The following UGT1A10 variants were observed in gnomAD, a reference collection of about 807,000 sequenced individuals.
UGT1A10 encodes the protein UDP glucuronosyltransferase family 1 member A10.
UGT1A10 carries 49 observed loss-of-function variants against 45.8 expected under a neutral mutation model. That is an observed-to-expected ratio of 1.07 (90% CI 0.85 to 1.36). The LOEUF (loss-of-function observed/expected upper bound fraction) is 1.36. Ranked by LOEUF, UGT1A10 falls within the 40% of genes most tolerant of loss-of-function variation. UGT1A10 has a pLI of 0.00. For synonymous variants in UGT1A10, 284 were observed against 249.7 expected (o/e 1.14, Z -1.29); for missense variants, 745 against 668.6 (o/e 1.11, Z -1.26).
At chr2:233,715,989 A>G (rs1242596937) in intron 1 of UGT1A10, among the ~76,000 whole-genome samples, 1 of 152,116 alleles carries the variant, frequency 6.6e-6, no homozygotes, top group East Asian at 1.9e-4. Flanking sequence ...TTAAAACACA[A>G]CAAAACCCAA....
intron 1 of UGT1A10, among the ~76,000 whole-genome samples, chr2:233,688,830 A>G (rs2074915301): frequency 6.6e-6 from 1 of 152,166 alleles, no homozygotes; most frequent in African/African-American, 2.4e-5. Flanking sequence ...ACTTTGAAAG[A>G]AAAGGATGTA....
At chr2:233,757,535 A>AATAAATATACATATAC (rs1553619837) in intron 1 of UGT1A10, among the ~76,000 whole-genome samples, 3 of 88,310 alleles carry the variant, frequency 3.4e-5, no homozygotes, top group African/African-American at 1.5e-4. Context: ...GCCTGTAAGG[A>AATAAATATACATATAC]ATATATATAT....
intron 1 of UGT1A10, among the ~76,000 whole-genome samples, chr2:233,716,957 A>G (rs2076536367): frequency 6.6e-6 from 1 of 152,152 alleles, no homozygotes; most frequent in Non-Finnish European, 1.5e-5. Context: ...GGCACCAGGA[A>G]TGTGAGCTTC....
At chr2:233,681,884 C>T in intron 1 of UGT1A10, 1 of 1,560,846 alleles carries the variant, frequency 6.4e-7, no homozygotes, top group Non-Finnish European at 8.7e-7. Flanking sequence ...CTTCCACTTA[C>T]TATATTATAG....
chr2:233,729,971 C>T (rs1206556766), intron 1 of UGT1A10: 1 of 1,613,904 alleles, frequency 6.2e-7, no homozygotes, highest in Non-Finnish European at 8.5e-7. Context: ...ATCAACTGTG[C>T]CAACAGGAAG....
chr2:233,716,275 C>T (rs1026616764), intron 1 of UGT1A10, among the ~76,000 whole-genome samples: 2 of 152,138 alleles, frequency 1.3e-5, no homozygotes, highest in African/African-American at 2.4e-5. Flanking sequence ...ATGTCAAAAC[C>T]CTTAATATAA....
chr2:233,650,342 T>C (rs561368892), intron 1 of UGT1A10, among the ~76,000 whole-genome samples: 1 of 152,350 alleles, frequency 6.6e-6, no homozygotes, highest in South Asian at 2.1e-4. Context: ...CTGGCTGCAA[T>C]GATTTTGGCA....
intron 1 of UGT1A10, chr2:233,682,185 T>C: frequency 1.2e-6 from 2 of 1,614,208 alleles, no homozygotes; most frequent in Non-Finnish European, 1.7e-6. Flanking sequence ...TCATACACTC[T>C]GGAGGATCAG....
intron 1 of UGT1A10, chr2:233,648,718 C>G: frequency 2.2e-6 from 1 of 449,820 alleles, no homozygotes. Context: ...CCCGCCTTGG[C>G]CTCCCAAAGT....
At position 233,744,023 on chromosome 2, in the gene UGT1A10, C is replaced by T. The variant is rs374542514; in HGVS notation, c.856-23011C>T. 1.7e-4 allele frequency: 161 copies of T among 963,346 alleles called. 1 individual carries two copies. In the Middle Eastern group the frequency reaches 2.6e-3, roughly 15 times the overall value. The allele number at this position is 963,346 out of a possible 1,614,324, so 59.7% of individuals were successfully genotyped here. On this transcript the variant is annotated intron_variant, in intron 1 of 4. Coordinates refer to ENST00000344644, the MANE Select transcript of UGT1A10 (RefSeq NM_019075.4). ...CGGAGACCTGGGCCGCCTGGAGAGA[C>T]GCCCCTTATGACGCAGCCACATCTC...
At chr2:233,730,797 T>G (rs45510999) in intron 1 of UGT1A10, among the ~76,000 whole-genome samples, 5,123 of 152,228 alleles carry the variant, frequency 0.034, 100 homozygotes, top group African/African-American at 0.051. Flanking sequence ...CAGTGATGAA[T>G]GGACATGCGT....
intron 1 of UGT1A10, chr2:233,719,739 A>C (rs758565863): frequency 2.9e-5 from 46 of 1,613,226 alleles, no homozygotes; most frequent in Middle Eastern, 1.8e-4. Flanking sequence ...ACACTTTTTA[A>C]AAAATGTATT....
At chr2:233,753,145 T>C (rs1695138672) in intron 1 of UGT1A10, 1 of 152,202 alleles carries the variant, frequency 6.6e-6, no homozygotes, top group Non-Finnish European at 1.5e-5. Flanking sequence ...TCTTCACACA[T>C]GTAAGTTCCC....
At chr2:233,705,963 C>T (rs980929573) in intron 1 of UGT1A10, among the ~76,000 whole-genome samples, 2 of 152,108 alleles carry the variant, frequency 1.3e-5, no homozygotes, top group East Asian at 1.9e-4. Flanking sequence ...GAGGTGCATG[C>T]CTGTGGTTCC....
rs34681509 is a variant in UGT1A10 at position 233,762,717 on chromosome 2, GT to G, written c.856-4305del. On this transcript the variant is annotated intron_variant, in intron 1 of 4. Transcript: ENST00000344644. ...CATCTTTTCTTAAGTATTTTACACGGTTTTTTTTTTTTGGTCACTACTGTGA... is the reference window on the plus strand; with the variant it reads ...CATCTTTTCTTAAGTATTTTACACGGTTTTTTTTTTTGGTCACTACTGTGA... Among the ~76,000 whole-genome samples the G allele has an allele frequency of 9.0e-3, 1,271 of 141,024 alleles. 11 individuals carry two copies. The highest frequency in any genetic ancestry group is 0.017 in the Admixed American group (234 of 14,104). The allele number at this position is 141,024 out of a possible 152,430, so 92.5% of individuals were successfully genotyped here.
chr2:233,656,218 A>G (rs2073849649), intron 1 of UGT1A10, among the ~76,000 whole-genome samples: 1 of 152,230 alleles, frequency 6.6e-6, no homozygotes, highest in South Asian at 2.1e-4. Flanking sequence ...GGGTGGAGAC[A>G]TCATATTTAA....
intron 1 of UGT1A10, chr2:233,756,198 G>A (rs1023408746): frequency 6.6e-6 from 1 of 152,220 alleles, no homozygotes; most frequent in African/African-American, 2.4e-5. Context: ...TAGCAGAGTA[G>A]TCCCTGGTAT....
intron 1 of UGT1A10, 59 bp from the exon 2 acceptor site, chr2:233,766,975 T>C (rs1262639275): frequency 2.5e-6 from 4 of 1,612,148 alleles, no homozygotes; most frequent in Non-Finnish European, 2.5e-6. Context: ...TAACTTACTG[T>C]ATGTAGTCAT....
chr2:233,713,340 A>C (rs28946884), intron 1 of UGT1A10: 2 of 1,614,260 alleles, frequency 1.2e-6, no homozygotes, highest in Non-Finnish European at 1.7e-6. Context: ...AATGGCAATT[A>C]TGAACAATAT....
Sources: gnomAD v4.1 joint callset for allele counts (sites outside exome capture counted in the v4.1 genomes callset) on GRCh38, gnomAD v4.1.1 for gene constraint, MANE v1.5 for transcripts, NCBI Gene and HGNC (gene_info 2026-07-23, HGNC 2026-07-21) for gene names.